NRG1: variants seen among roughly 807,000 people sequenced by gnomAD.
NRG1 encodes neuregulin 1.
Under a neutral mutation model 63.8 loss-of-function variants are expected in NRG1, and 18 were observed. The observed-to-expected ratio is 0.28, with a 90% CI of 0.19 to 0.42. The LOEUF is 0.42. Among genes scored for constraint, NRG1 ranks in the 10% least tolerant of loss-of-function variants. NRG1 has a pLI of 1.00. For synonymous variants in NRG1, 302 were observed against 301.3 expected (o/e 1.00, Z -0.02); for missense variants, 762 against 814.7 (o/e 0.94, Z 0.79).
chr8:32,548,866 C>G (rs376691293), intron 1 of NRG1, 40 bp downstream of exon 1: 16 of 1,523,140 alleles, frequency 1.1e-5, no homozygotes, highest in Non-Finnish European at 1.4e-5. Flanking sequence ...GATCCTCCTC[C>G]TGCTCCTCCT....
At chr8:32,532,292 C>T (rs1360905320) in intron 1 of NRG1, among the ~76,000 whole-genome samples, 1 of 152,086 alleles carries the variant, frequency 6.6e-6, no homozygotes, top group Non-Finnish European at 1.5e-5. Context: ...CAGAAGATTC[C>T]CCAAGATTTT....
At chr8:31,826,410 C>G (rs1289537507) in intron 1 of NRG1, among the ~76,000 whole-genome samples, 1 of 152,130 alleles carries the variant, frequency 6.6e-6, no homozygotes, top group Admixed American at 6.5e-5. Flanking sequence ...GATGGTTTTG[C>G]AAAGGGGAGT....
intron 1 of NRG1, among the ~76,000 whole-genome samples, chr8:32,397,145 T>C (rs1418992409): frequency 6.6e-6 from 1 of 152,196 alleles, no homozygotes; most frequent in East Asian, 1.9e-4. Context: ...GGTAGATAGA[T>C]ACATAGATAG....
intron 1 of NRG1, among the ~76,000 whole-genome samples, chr8:31,910,620 A>AT (rs959242073): frequency 1.3e-5 from 2 of 152,194 alleles, no homozygotes; most frequent in Non-Finnish European, 2.9e-5. Flanking sequence ...TCAAGCATCC[A>AT]TTGTATATAA....
intron 1 of NRG1, among the ~76,000 whole-genome samples, chr8:32,077,809 T>A (rs1826826217): frequency 6.6e-6 from 1 of 152,018 alleles, no homozygotes. Context: ...ATGAGAAGGG[T>A]AGGCAGTTTG....
intron 1 of NRG1, among the ~76,000 whole-genome samples, chr8:31,927,003 C>T (rs1354166642): frequency 6.6e-6 from 1 of 152,026 alleles, no homozygotes; most frequent in Non-Finnish European, 1.5e-5. Context: ...ACTGTCCATC[C>T]TGCATTTTTC....
chr8:32,654,658 T>TATATGTATATATATGTATAATATA (rs548070225), intron 5 of NRG1, among the ~76,000 whole-genome samples: 3 of 150,516 alleles, frequency 2.0e-5, no homozygotes, highest in Admixed American at 6.6e-5. Flanking sequence ...CTTTATAATA[T>TATATGTATATATATGTATAATATA]TGATATGTAT....
chr8:32,486,749 T>A (rs1211425115), intron 1 of NRG1, among the ~76,000 whole-genome samples: 1 of 151,960 alleles, frequency 6.6e-6, no homozygotes, highest in East Asian at 1.9e-4. Context: ...CTCAGCCTCC[T>A]GAGTAGCTGA....
rs144649451 is a variant in NRG1, at chr8:32,749,478, T to C, written c.692-4894T>C. On this transcript the variant is annotated intron_variant, in intron 7 of 11. Transcript: ENST00000356819. ...AGAGAGCCATAATAGTCATGTGTAA[T>C]GTGTTTTGGAGTGCAGTGTATTGCT... is the stretch of plus-strand genomic sequence containing the variant. 6.0e-4 allele frequency: 797 copies of C among 1,321,826 alleles called. 3 individuals are homozygous for C. In the African/African-American group the frequency reaches 0.01, roughly 17 times the overall value. 81.9% of individuals were successfully genotyped at this position (1,321,826 alleles called of 1,614,324 possible). A position where few individuals can be genotyped will look rare whatever the true frequency, so the allele number is the denominator to read the frequency against.
intron 1 of NRG1, among the ~76,000 whole-genome samples, chr8:32,478,318 G>A (rs560246938): frequency 2.5e-4 from 38 of 152,254 alleles, no homozygotes; most frequent in African/African-American, 6.5e-4. Flanking sequence ...CAGCCGGAGC[G>A]GTCTCTTCAG....
chr8:32,030,502 C>G (rs1818102192), intron 1 of NRG1: 1 of 152,172 alleles, frequency 6.6e-6, no homozygotes, highest in Non-Finnish European at 1.5e-5. Context: ...ACCTTTTCAA[C>G]TCTATCCCTT....
intron 1 of NRG1, among the ~76,000 whole-genome samples, chr8:32,175,122 G>C (rs1391068170): frequency 5.3e-5 from 8 of 152,156 alleles, no homozygotes; most frequent in African/African-American, 1.9e-4. Flanking sequence ...ACATCAAAAA[G>C]CTGATCCACC....
chr8:32,732,063 A>C (rs190406833), intron 6 of NRG1, among the ~76,000 whole-genome samples: 3 of 152,332 alleles, frequency 2.0e-5, no homozygotes, highest in Admixed American at 2.0e-4. Context: ...GATTAAACAT[A>C]TTAACAGTGA....
rs1363693100 is a variant in NRG1 at position 32,099,141 on chromosome 8, C to T, written c.37+459710C>T. Among the ~76,000 whole-genome samples, 4 of 152,112 alleles carry T rather than the reference C, an allele frequency of 2.6e-5. No homozygotes were observed. The South Asian group carries it at 6.2e-4, about 24-fold the overall frequency. ...CTGACTGCAAGGAGACAAAGGCTTGCTGGGGATTTTATGGGATGGCGCTTG... is the reference window on the plus strand; with the variant it reads ...CTGACTGCAAGGAGACAAAGGCTTGTTGGGGATTTTATGGGATGGCGCTTG... On this transcript the variant is annotated intron_variant, in intron 1 of 10. Coordinates refer to the NRG1 transcript ENST00000519301.
intron 1 of NRG1, among the ~76,000 whole-genome samples, chr8:31,695,555 A>G (rs1023836138): frequency 3.3e-5 from 5 of 152,198 alleles, no homozygotes; most frequent in Non-Finnish European, 4.4e-5. Flanking sequence ...ATCCACTTCC[A>G]TGACCCAATC....
chr8:31,761,469 A>G (rs973689833), intron 1 of NRG1, among the ~76,000 whole-genome samples: 1 of 152,062 alleles, frequency 6.6e-6, no homozygotes, highest in Admixed American at 6.6e-5. Context: ...AAATAAATAA[A>G]TAAAAATAAA....
In NRG1 at chr8:32,372,895, C is replaced by G. The variant is rs574440715; in HGVS notation, c.38-222933C>G. Among the ~76,000 whole-genome samples the G allele has an allele frequency of 2.5e-3, 375 of 152,286 alleles. 2 individuals are homozygous for G. The highest frequency in any genetic ancestry group is 0.012 in the Admixed American group (187 of 15,296). On this transcript the variant is annotated intron_variant, in intron 1 of 10. Transcript: ENST00000519301. ...AGAAAAACCCATCCCCTGGAACCAC[C>G]AGTGTAAAGGAGAGGGAAGGCGAGT...
intron 1 of NRG1, among the ~76,000 whole-genome samples, chr8:31,903,351 G>A (rs898814180): frequency 5.9e-5 from 9 of 151,470 alleles, no homozygotes; most frequent in African/African-American, 2.2e-4. Flanking sequence ...GGATTTCATT[G>A]TGTTAGCCAG....
chr8:32,719,328 G>A (rs567625257), intron 5 of NRG1, among the ~76,000 whole-genome samples: 1 of 151,800 alleles, frequency 6.6e-6, no homozygotes, highest in Admixed American at 6.6e-5. Flanking sequence ...AAAATACAAG[G>A]GATTGTGTAA....
Sources: allele counts gnomAD v4.1 joint callset (sites outside exome capture counted in the v4.1 genomes callset), GRCh38; gene constraint gnomAD v4.1.1; transcripts MANE v1.5; gene names NCBI Gene and HGNC (gene_info 2026-07-23, HGNC 2026-07-21).